The following PHF21B variants were observed in gnomAD, a reference collection of about 807,000 sequenced individuals.
PHF21B encodes PHD finger protein 4.
A neutral mutation model predicts 62.2 loss-of-function variants in PHF21B; 22 were observed. That is an observed-to-expected ratio of 0.35 (90% CI 0.25 to 0.51). The LOEUF (loss-of-function observed/expected upper bound fraction) is 0.51, where lower values mean the gene tolerates loss of function less well. PHF21B is among the 20% of genes least tolerant of loss of function. The pLI is 0.97. For synonymous variants in PHF21B, 341 were observed against 314.7 expected, an observed-to-expected ratio of 1.08 and a Z score of -0.88; for missense variants, 701 against 707.9, an observed-to-expected ratio of 0.99 and a Z score of 0.11.
chr22:44,891,993 G>A (rs1318113606), intron 7 of PHF21B, among the ~76,000 whole-genome samples: 1 of 152,202 alleles, frequency 6.6e-6, no homozygotes, highest in East Asian at 1.9e-4. Flanking sequence ...GCCCCCTCGG[G>A]CTGTGTGCCT....
At chr22:44,892,099 C>T (rs2070976350) in intron 7 of PHF21B, among the ~76,000 whole-genome samples, 1 of 152,134 alleles carries the variant, frequency 6.6e-6, no homozygotes, top group African/African-American at 2.4e-5. Context: ...AGAGTAACGC[C>T]TCGTCCACAC....
chr22:44,992,346 C>T lies in PHF21B; in HGVS notation c.120+16199G>A, dbSNP rs117093596. On this transcript the variant is annotated intron_variant, in intron 2 of 12. Coordinates refer to ENST00000313237, the MANE Select transcript of PHF21B (RefSeq NM_138415.5). ...CGGGGACGGGGTGCTGTGGCCGCAC[C>T]GCAGCGTGGACGCACTCAATGCCAG... Among the ~76,000 whole-genome samples, 118 of 152,334 alleles carry T rather than the reference C, an allele frequency of 7.7e-4. 1 individual carries two copies. The East Asian group carries it at 0.022, about 29-fold the overall frequency.
chr22:44,961,841 T>C (rs1384825946), intron 2 of PHF21B, among the ~76,000 whole-genome samples: 1 of 141,396 alleles, frequency 7.1e-6, no homozygotes, highest in African/African-American at 2.7e-5. Context: ...CGAGACTCTG[T>C]CTCAAAATAA....
chr22:44,955,445 C>G (rs1307434719), intron 2 of PHF21B, among the ~76,000 whole-genome samples: 1 of 152,168 alleles, frequency 6.6e-6, no homozygotes, highest in Non-Finnish European at 1.5e-5. Context: ...CTGGGTGTGT[C>G]TGTGAGGGCG....
intron 5 of PHF21B, among the ~76,000 whole-genome samples, chr22:44,907,771 A>G (rs2071276929): frequency 6.6e-6 from 1 of 152,244 alleles, no homozygotes; most frequent in African/African-American, 2.4e-5. Flanking sequence ...GAGACAGGAC[A>G]GCAAACCTAG....
intron 2 of PHF21B, among the ~76,000 whole-genome samples, chr22:44,941,549 T>C (rs980877545): frequency 1.3e-5 from 2 of 152,216 alleles, no homozygotes; most frequent in African/African-American, 4.8e-5. Context: ...CCAACCCAGC[T>C]GGATCGCTTT....
At chr22:44,890,605 GGTC>G (rs1218266279) in intron 8 of PHF21B, among the ~76,000 whole-genome samples, 2 of 152,244 alleles carry the variant, frequency 1.3e-5, no homozygotes, top group Non-Finnish European at 2.9e-5. Flanking sequence ...CCAGCAAGCT[GGTC>G]GTCATTTCCT....
intron 5 of PHF21B, among the ~76,000 whole-genome samples, chr22:44,903,793 A>G (rs1442885789): frequency 6.6e-6 from 1 of 152,210 alleles, no homozygotes; most frequent in Non-Finnish European, 1.5e-5. Context: ...TAGTATTTAC[A>G]TTAATATGTC....
intron 7 of PHF21B, among the ~76,000 whole-genome samples, chr22:44,892,582 C>G (rs2070985819): frequency 6.6e-6 from 1 of 152,214 alleles, no homozygotes; most frequent in Non-Finnish European, 1.5e-5. Context: ...TGCAACACAC[C>G]AGGCACTGAC....
intron 2 of PHF21B, among the ~76,000 whole-genome samples, chr22:44,950,977 G>A (rs992132530): frequency 2.6e-5 from 4 of 152,018 alleles, no homozygotes; most frequent in Admixed American, 1.3e-4. Flanking sequence ...CATCACAGGC[G>A]GGCCACACGC....
At chr22:44,886,392 CAAAAAAAAAAAAAAAA>C (rs61502377) in intron 10 of PHF21B, among the ~76,000 whole-genome samples, 7 of 53,180 alleles carry the variant, frequency 1.3e-4, no homozygotes, top group African/African-American at 2.8e-4. Context: ...GAAGAAGAGG[CAAAAAAAAAAAAAAAA>C]AAAAAAAAAA....
At chr22:44,970,436 G>C (rs775736712) in intron 2 of PHF21B, among the ~76,000 whole-genome samples, 29 of 152,180 alleles carry the variant, frequency 1.9e-4, no homozygotes, top group Non-Finnish European at 3.7e-4. Context: ...GGTAGGGCTG[G>C]GTGTGCCAGG....
At chr22:44,890,419 A>C (rs1298880158) in intron 8 of PHF21B, among the ~76,000 whole-genome samples, 2 of 152,216 alleles carry the variant, frequency 1.3e-5, no homozygotes, top group Non-Finnish European at 2.9e-5. Flanking sequence ...AATGCCACCC[A>C]GCGGGAGAAC....
chr22:44,921,359 CTT>C (rs11309607), intron 2 of PHF21B, among the ~76,000 whole-genome samples: 4 of 146,972 alleles, frequency 2.7e-5, no homozygotes, highest in East Asian at 2.0e-4. Flanking sequence ...CGGAACAGTT[CTT>C]TTTTTTTTTC....
chr22:44,914,870 C>T lies in PHF21B; in HGVS notation c.565-782G>A, dbSNP rs543014051. On this transcript the variant is annotated intron_variant, in intron 4 of 12. Transcript: ENST00000313237. Reference sequence around the variant, plus strand: ...CAGCCTCTCCCTGGGCCAGGATCCGCTCCATCTCTAGCTCTACCATTTTAT... The same window carrying T: ...CAGCCTCTCCCTGGGCCAGGATCCGTTCCATCTCTAGCTCTACCATTTTAT... 2.0e-5 allele frequency among the ~76,000 whole-genome samples: 3 copies of T among 152,328 alleles called. 1 individual carries two copies. The highest frequency in any genetic ancestry group is 1.5e-5 in the Non-Finnish European group (1 of 68,034).
At chr22:44,888,434 T>A (rs1325056171) in intron 9 of PHF21B, among the ~76,000 whole-genome samples, 1 of 152,038 alleles carries the variant, frequency 6.6e-6, no homozygotes, top group Non-Finnish European at 1.5e-5. Flanking sequence ...GGACCCCAGG[T>A]GCGGGCGACA....
chr22:44,950,442 G>A (rs967383952), intron 2 of PHF21B, among the ~76,000 whole-genome samples: 5 of 152,218 alleles, frequency 3.3e-5, no homozygotes, highest in African/African-American at 1.2e-4. Flanking sequence ...GCAGCAGGCA[G>A]GATCAACTCC....
chr22:44,968,336 T>C (rs2072570062), intron 2 of PHF21B, among the ~76,000 whole-genome samples: 1 of 152,136 alleles, frequency 6.6e-6, no homozygotes, highest in South Asian at 2.1e-4. Flanking sequence ...ATATTGAGTA[T>C]CCCTTATCCG....
chr22:44,920,798 T>G (rs2071521625), intron 2 of PHF21B, among the ~76,000 whole-genome samples: 1 of 152,232 alleles, frequency 6.6e-6, no homozygotes, highest in South Asian at 2.1e-4. Flanking sequence ...TTTTCTACTT[T>G]CACTTAAGGA....
Sources: allele counts gnomAD v4.1 joint callset (sites outside exome capture counted in the v4.1 genomes callset), GRCh38; gene constraint gnomAD v4.1.1; transcripts MANE v1.5; gene names NCBI Gene and HGNC (gene_info 2026-07-23, HGNC 2026-07-21).